The following SAMMSON variants were observed in gnomAD, a reference collection of about 807,000 sequenced individuals.
The protein encoded by SAMMSON is long intergenic non-protein coding RNA 1212.
At chr3:70,254,804 T>A (rs1253429642) in intron 6 of SAMMSON, among the ~76,000 whole-genome samples, 1 of 152,228 alleles carries the variant, frequency 6.6e-6, no homozygotes, top group African/African-American at 2.4e-5. Context: ...TGTGCATTCT[T>A]CTATACAAGA....
Position 70,232,442 on chromosome 3 carries a change from G to A in SAMMSON, n.508-16665G>A, listed in dbSNP as rs551012419. Among the ~76,000 whole-genome samples the A allele has an allele frequency of 2.3e-4, 34 of 150,448 alleles. No individual in the cohort carries two copies. The South Asian group carries it at 5.3e-3, about 23-fold the overall frequency. ...TCTTGCGATGGAGTCTCGCTCTGTC[G>A]CCAGGCTGGAGTGCAGTGGCAATCT... On this transcript the variant is annotated intron_variant and non_coding_transcript_variant, in intron 4 of 9. Transcript: ENST00000642114.
intron 4 of SAMMSON, among the ~76,000 whole-genome samples, chr3:70,098,914 T>A (rs2067332883): frequency 6.6e-6 from 1 of 152,214 alleles, no homozygotes; most frequent in Non-Finnish European, 1.5e-5. Context: ...TGAAGCAATA[T>A]AGATTATTAC....
At chr3:70,202,260 G>C (rs1023080914) in intron 4 of SAMMSON, among the ~76,000 whole-genome samples, 1 of 152,078 alleles carries the variant, frequency 6.6e-6, no homozygotes, top group African/African-American at 2.4e-5. Context: ...TTTGATAGTG[G>C]TCAGTGACTA....
At chr3:70,232,498 C>G (rs1369930702) in intron 4 of SAMMSON, among the ~76,000 whole-genome samples, 5 of 151,760 alleles carry the variant, frequency 3.3e-5, no homozygotes, top group African/African-American at 7.3e-5. Flanking sequence ...CTCCCGGGTT[C>G]AAGTGATTCT....
intron 9 of SAMMSON, among the ~76,000 whole-genome samples, chr3:70,375,969 TA>T (rs897962468): frequency 6.6e-6 from 1 of 152,212 alleles, no homozygotes; most frequent in African/African-American, 2.4e-5. Context: ...CAGACATTTT[TA>T]AAAATGTCTG....
chr3:70,215,371 A>G (rs904980013), intron 4 of SAMMSON, among the ~76,000 whole-genome samples: 71 of 152,090 alleles, frequency 4.7e-4, no homozygotes, highest in Non-Finnish European at 2.1e-4. Context: ...TGAGCTTGAG[A>G]TACTTTTCTG....
chr3:70,077,164 C>T (rs2067250804), intron 4 of SAMMSON, among the ~76,000 whole-genome samples: 1 of 152,112 alleles, frequency 6.6e-6, no homozygotes, highest in Non-Finnish European at 1.5e-5. Flanking sequence ...TATGATTAAA[C>T]TATTTTTTTA....
At chr3:70,311,987 G>T in intron 7 of SAMMSON, 1 of 397,666 alleles carries the variant, frequency 2.5e-6, no homozygotes, top group Middle Eastern at 6.4e-4. Flanking sequence ...AGTGGAAACA[G>T]AATTTGTGAT....
intron 4 of SAMMSON, among the ~76,000 whole-genome samples, chr3:70,219,418 T>C (rs1402976399): frequency 6.6e-6 from 1 of 152,182 alleles, no homozygotes; most frequent in East Asian, 1.9e-4. Context: ...TGTTGATTTT[T>C]GATGTGACCA....
chr3:70,274,407 T>C (rs955001667), intron 6 of SAMMSON, among the ~76,000 whole-genome samples: 1 of 152,174 alleles, frequency 6.6e-6, no homozygotes, highest in African/African-American at 2.4e-5. Flanking sequence ...TGAGCACTGA[T>C]ATATAATTTT....
chr3:70,153,961 C>G (rs2067581758), intron 4 of SAMMSON, among the ~76,000 whole-genome samples: 1 of 151,788 alleles, frequency 6.6e-6, no homozygotes, highest in Non-Finnish European at 1.5e-5. Context: ...AATATTTGTC[C>G]TTTCGTGTCT....
chr3:70,002,676 C>CT (rs538806018), intron 1 of SAMMSON, among the ~76,000 whole-genome samples: 168 of 152,108 alleles, frequency 1.1e-3, no homozygotes, highest in African/African-American at 3.8e-3. Context: ...GGATTTTCTA[C>CT]TTTTTTTTGT....
intron 3 of SAMMSON, among the ~76,000 whole-genome samples, chr3:70,023,341 G>C (rs1299559045): frequency 6.6e-6 from 1 of 151,776 alleles, no homozygotes; most frequent in African/African-American, 2.4e-5. Flanking sequence ...GACGCCTTTA[G>C]TCTCAGCTAC....
intron 2 of SAMMSON, among the ~76,000 whole-genome samples, chr3:70,426,622 G>T (rs1701371446): frequency 6.6e-6 from 1 of 152,102 alleles, no homozygotes; most frequent in African/African-American, 2.4e-5. Context: ...TAGCAAGGTA[G>T]CCTGAAAATT....
chr3:70,171,545 T>A (rs1335061798), intron 4 of SAMMSON, among the ~76,000 whole-genome samples: 4 of 151,858 alleles, frequency 2.6e-5, no homozygotes, highest in Non-Finnish European at 5.9e-5. Context: ...CTGAGTATAG[T>A]TTTGGCTGAA....
At chr3:70,161,901 T>G (rs1165134802) in intron 4 of SAMMSON, among the ~76,000 whole-genome samples, 1 of 151,790 alleles carries the variant, frequency 6.6e-6, no homozygotes, top group African/African-American at 2.4e-5. Flanking sequence ...AGAATTTATG[T>G]CATCTAAGTT....
intron 7 of SAMMSON, among the ~76,000 whole-genome samples, chr3:70,353,613 T>C (rs1375012077): frequency 6.6e-6 from 1 of 152,190 alleles, no homozygotes; most frequent in Non-Finnish European, 1.5e-5. Flanking sequence ...ATCAGCCATA[T>C]GTTGCTGATG....
chr3:70,006,524 T>A (rs1488933570), intron 1 of SAMMSON, among the ~76,000 whole-genome samples: 2 of 152,202 alleles, frequency 1.3e-5, no homozygotes, highest in Non-Finnish European at 2.9e-5. Flanking sequence ...TACCCAGGTC[T>A]TAGTGGTTAA....
intron 4 of SAMMSON, among the ~76,000 whole-genome samples, chr3:70,217,229 C>A (rs1559537428): frequency 6.6e-6 from 1 of 152,072 alleles, no homozygotes; most frequent in Non-Finnish European, 1.5e-5. Flanking sequence ...CTTAGCATTT[C>A]TTACATGGTG....
Sources: allele counts gnomAD v4.1 joint callset (sites outside exome capture counted in the v4.1 genomes callset), GRCh38; gene constraint gnomAD v4.1.1; transcripts MANE v1.5; gene names NCBI Gene and HGNC (gene_info 2026-07-23, HGNC 2026-07-21).